Variants in EPS8 observed in about 807,000 individuals in gnomAD.
The protein encoded by EPS8 is EGFR pathway substrate 8, signaling adaptor.
EPS8 carries 42 observed loss-of-function variants against 103.8 expected under a neutral mutation model. That is an observed-to-expected ratio of 0.40 (90% confidence interval 0.32 to 0.52). EPS8 has a LOEUF of 0.52. Among genes scored for constraint, EPS8 ranks in the 20% least tolerant of loss-of-function variants. The pLI, the probability that EPS8 is intolerant of heterozygous loss-of-function variation, is 0.40. For synonymous variants in EPS8, 344 were observed against 344.6 expected, an observed-to-expected ratio of 1.00 and a Z score of 0.02; for missense variants, 969 against 1,005.1, an observed-to-expected ratio of 0.96 and a Z score of 0.49.
chr12:15,763,642 T>G (rs937471331), intron 1 of EPS8, among the ~76,000 whole-genome samples: 1 of 152,168 alleles, frequency 6.6e-6, no homozygotes, highest in Non-Finnish European at 1.5e-5. Context: ...CTCATCTAGA[T>G]GATAAAATTA....
intron 1 of EPS8, among the ~76,000 whole-genome samples, chr12:15,739,752 A>G (rs1048305165): frequency 1.3e-5 from 2 of 152,060 alleles, no homozygotes; most frequent in Admixed American, 6.6e-5. Flanking sequence ...AGTTCCCCTA[A>G]TAAGCCCCTT....
At chr12:15,729,800 T>G (rs373363883) in intron 1 of EPS8, among the ~76,000 whole-genome samples, 3 of 152,178 alleles carry the variant, frequency 2.0e-5, no homozygotes, top group Non-Finnish European at 4.4e-5. Flanking sequence ...ATGATTTCAA[T>G]CTGTCTAAAT....
rs979380746 is a variant in EPS8, at chr12:15,718,879, A to T, written c.-21-35907T>A. On this transcript the variant is annotated intron_variant, in intron 1 of 20. Transcript: ENST00000281172. ...GTTCTTAAGTGCCATTTAGAGAAAA[A>T]AAAAGGCATTTCTTACAGAAGTATC... Among the ~76,000 whole-genome samples, 6 of 152,162 alleles carry T rather than the reference A, an allele frequency of 3.9e-5. 1 individual carries two copies. The highest frequency in any genetic ancestry group is 1.4e-4 in the African/African-American group (6 of 41,446).
chr12:15,664,094 T>C (rs1289050346), intron 8 of EPS8, among the ~76,000 whole-genome samples: 2 of 149,938 alleles, frequency 1.3e-5, no homozygotes, highest in Admixed American at 6.7e-5. Flanking sequence ...TGTCTTATCC[T>C]TCCTCTACTT....
rs1229884135 is a variant in EPS8 at position 15,777,110 on chromosome 12, T to G, written c.-22+12051A>C. Among the ~76,000 whole-genome samples, 1 of 152,088 alleles carries G rather than the reference T, an allele frequency of 6.6e-6. No homozygotes were observed. The highest frequency in any genetic ancestry group is 1.5e-5 in the Non-Finnish European group (1 of 68,004). ...ACAGATATAGATGGAGGAAGGACAT[T>G]GGAGGTAAGATGAAGTCACTTTTAT... On this transcript the variant is annotated intron_variant, in intron 1 of 20. Coordinates refer to ENST00000281172, the MANE Select transcript of EPS8 (RefSeq NM_004447.6). This position sits in a 1 kb window ranked among gnomAD's most constrained non-coding sequence, Gnocchi z 4.7.
intron 1 of EPS8, among the ~76,000 whole-genome samples, chr12:15,766,283 T>C (rs1308083286): frequency 6.7e-6 from 1 of 148,446 alleles, no homozygotes; most frequent in African/African-American, 2.5e-5. Context: ...TTTCAGACCA[T>C]CCTGGCCAAC....
chr12:15,654,485 A>C (rs1229238732), intron 12 of EPS8, 192 bp from the exon 13 acceptor site: 1 of 598,448 alleles, frequency 1.7e-6, no homozygotes. Flanking sequence ...AGTGCTTTAA[A>C]ACCTAAATGA....
intron 1 of EPS8, among the ~76,000 whole-genome samples, chr12:15,770,551 A>G (rs1181357725): frequency 6.6e-6 from 1 of 152,168 alleles, no homozygotes; most frequent in African/African-American, 2.4e-5. Flanking sequence ...AAAAAATATC[A>G]TCTTTGTTGG....
rs1359183106 is a variant in EPS8, at chr12:15,692,719, CT to C, written c.-21-9748del. 2.0e-5 allele frequency among the ~76,000 whole-genome samples: 3 copies of C among 151,916 alleles called. No homozygotes were observed. The South Asian group carries it at 6.2e-4, about 32-fold the overall frequency. On this transcript the variant is annotated intron_variant, in intron 1 of 20. Coordinates refer to ENST00000281172, the MANE Select transcript of EPS8 (RefSeq NM_004447.6). ...CTAAGTCTCTACTTTTGTATTTTCTCTTTTGTTTTTCATTTTGTAATTTTTT... is the reference window on the plus strand; with the variant it reads ...CTAAGTCTCTACTTTTGTATTTTCTCTTTGTTTTTCATTTTGTAATTTTTT...
At chr12:15,671,261 T>C (rs1945812259) in intron 3 of EPS8, among the ~76,000 whole-genome samples, 1 of 152,148 alleles carries the variant, frequency 6.6e-6, no homozygotes, top group Non-Finnish European at 1.5e-5. Flanking sequence ...CAATTACAAC[T>C]GGCTTATAAA....
rs2135945252 is a variant in EPS8 at position 15,704,994 on chromosome 12, A to C, written c.-21-22022T>G. 6.6e-6 allele frequency among the ~76,000 whole-genome samples: 1 copy of C among 152,296 alleles called. No homozygotes were observed. The highest frequency in any genetic ancestry group is 2.1e-4 in the South Asian group (1 of 4,820). On this transcript the variant is annotated intron_variant, in intron 1 of 20. Transcript: ENST00000281172. The surrounding 1 kb of genome is among the most constrained non-coding windows in gnomAD (Gnocchi z 4.6). ...CATATACATGTGTGTATATTTTTTA[A>C]AATTTGAAGTAGGTTAACATTGTAT...
chr12:15,671,829 T>A (rs913819948), intron 3 of EPS8: 29 of 152,140 alleles, frequency 1.9e-4, no homozygotes, highest in African/African-American at 7.0e-4. Context: ...ACTTTTCTAA[T>A]CAAGCAACTT....
At chr12:15,634,003 C>A (rs1452147394) in intron 17 of EPS8, among the ~76,000 whole-genome samples, 3 of 152,202 alleles carry the variant, frequency 2.0e-5, no homozygotes, top group Non-Finnish European at 4.4e-5. Context: ...TTTGTTGAAG[C>A]TACAGAGTTA....
rs771295461 is a variant in EPS8 at position 15,759,339 on chromosome 12, C to G, written c.-22+29822G>C. Among the ~76,000 whole-genome samples, 1 of 152,056 alleles carries G rather than the reference C, an allele frequency of 6.6e-6. No homozygotes were observed. Among genetic ancestry groups the G allele is most frequent in the African/African-American group, 2.4e-5 (1 of 41,432 alleles). ...GCTTTGAAGGCAACAATTAGCTATACTTCCATAATTTTGATCTGATTCAAC... is the reference window on the plus strand; with the variant it reads ...GCTTTGAAGGCAACAATTAGCTATAGTTCCATAATTTTGATCTGATTCAAC... On this transcript the variant is annotated intron_variant, in intron 1 of 20. Transcript: ENST00000281172. The surrounding 1 kb of genome is among the most constrained non-coding windows in gnomAD (Gnocchi z 4.9).
rs1210777559 is a variant in EPS8, at chr12:15,781,295, CACAGTATTAAA to C, written c.-22+7855_-22+7865del. 6.6e-6 allele frequency among the ~76,000 whole-genome samples: 1 copy of C among 152,214 alleles called. No homozygotes were observed. The highest frequency in any genetic ancestry group is 1.9e-4 in the East Asian group (1 of 5,176). ...AGTAGTAATTTGAGCAAGTATATAG[CACAGTATTAAA>C]TAAAAGAATGTAATTAAGGACACTC... On this transcript the variant is annotated intron_variant, in intron 1 of 20. Transcript: ENST00000281172. This position sits in a 1 kb window ranked among gnomAD's most constrained non-coding sequence, Gnocchi z 4.1.
intron 3 of EPS8, among the ~76,000 whole-genome samples, chr12:15,675,492 C>G (rs1473640952): frequency 6.6e-6 from 1 of 152,154 alleles, no homozygotes; most frequent in Non-Finnish European, 1.5e-5. Context: ...CTCAGCTACT[C>G]AGGAGGCTGA....
rs867627268 is a variant in EPS8 at position 15,725,218 on chromosome 12, T to G, written c.-21-42246A>C. Among the ~76,000 whole-genome samples the G allele has an allele frequency of 6.6e-6, 1 of 152,136 alleles. No homozygotes were observed. The highest frequency in any genetic ancestry group is 1.5e-5 in the Non-Finnish European group (1 of 68,032). On this transcript the variant is annotated intron_variant, in intron 1 of 20. Transcript: ENST00000281172. The surrounding 1 kb of genome is among the most constrained non-coding windows in gnomAD (Gnocchi z 4.5). ...GCTAGATAACTGAAGCAATTTCTAC[T>G]CGTTTATGGGGACTGTCTGGAATTT...
At chr12:15,709,604 G>A (rs984168367) in intron 1 of EPS8, among the ~76,000 whole-genome samples, 3 of 152,202 alleles carry the variant, frequency 2.0e-5, no homozygotes, top group Non-Finnish European at 4.4e-5. Flanking sequence ...ATTATGAATG[G>A]GCAAAGGGAG....
Position 15,745,811 on chromosome 12 carries a change from A to G in EPS8, c.-22+43350T>C, listed in dbSNP as rs977889535. Among the ~76,000 whole-genome samples the G allele has an allele frequency of 2.0e-5, 3 of 152,226 alleles. No homozygotes were observed. The highest frequency in any genetic ancestry group is 6.5e-5 in the Admixed American group (1 of 15,278). On this transcript the variant is annotated intron_variant, in intron 1 of 20. Transcript: ENST00000281172. The surrounding 1 kb of genome is among the most constrained non-coding windows in gnomAD (Gnocchi z 4.6). ...GCTATTATATGTGGTTTCCCAGTAC[A>G]TGTAAGTTTAAAACAACAAAGGATG...
Sources: gnomAD v4.1 joint callset for allele counts (sites outside exome capture counted in the v4.1 genomes callset) on GRCh38, gnomAD v4.1.1 for gene constraint, Gnocchi (gnomAD v3.1) non-coding constraint, MANE v1.5 for transcripts, NCBI Gene and HGNC (gene_info 2026-07-23, HGNC 2026-07-21) for gene names.